TMEM70: variants seen among roughly 807,000 people sequenced by gnomAD.
TMEM70 encodes the protein transmembrane protein 70, also known as transmembrane protein 70, mitochondrial.
A neutral mutation model predicts 20.5 loss-of-function variants in TMEM70; 15 were observed. The ratio of observed to expected loss-of-function variants is 0.73; its 90% CI spans 0.49 to 1.13. The LOEUF is 1.13. Among genes scored for constraint, TMEM70 ranks in the 50% most tolerant of loss-of-function variants. The pLI is 0.00. For missense variants in TMEM70, 344 were observed against 331.7 expected, an observed-to-expected ratio of 1.04 and a Z score of -0.29; for synonymous variants, 141 against 134.2, an observed-to-expected ratio of 1.05 and a Z score of -0.35.
At chr8:73,981,028 T>C in intron 2 of TMEM70, 127 bp from the exon 3 acceptor site, 1 of 776,536 alleles carries the variant, frequency 1.3e-6, no homozygotes, top group Non-Finnish European at 2.1e-6. Context: ...ATAAGCACTG[T>C]ATTTATGGTT....
rs754740259 is a variant in TMEM70 at position 73,976,356 on chromosome 8, G to T, written c.75G>T (p.Ala25=). Reference sequence around the variant, plus strand: ...GCGGAAGGAGGACTGCATTGTGTGCGGCCGCCGCGCTCCGAGGTCCCCGGG... The same window carrying T: ...GCGGAAGGAGGACTGCATTGTGTGCTGCCGCCGCGCTCCGAGGTCCCCGGG... The part of the protein sequence containing the change: ...PLCGRRTALC[A]AAALRGPRAS... Residue 25 remains alanine, a synonymous_variant, in exon 1 of 3, where the codon GCG becomes GCT. Coordinates refer to ENST00000312184, the MANE Select transcript of TMEM70 (RefSeq NM_017866.6). 1.9e-6 allele frequency: 3 copies of T among 1,599,158 alleles called. No individual in the cohort carries two copies. The Admixed American group carries it at 5.0e-5, about 27-fold the overall frequency.
chr8:73,977,173 C>G (rs1280041769), intron 1 of TMEM70, among the ~76,000 whole-genome samples: 4 of 152,134 alleles, frequency 2.6e-5, no homozygotes, highest in African/African-American at 7.2e-5. Context: ...TGTAGGATTT[C>G]AAGTAAATTT....
intron 2 of TMEM70, among the ~76,000 whole-genome samples, chr8:73,979,933 G>A (rs2131235061): frequency 6.6e-6 from 1 of 152,264 alleles, no homozygotes; most frequent in African/African-American, 2.4e-5. Context: ...TGGTGCCTAG[G>A]CTGGTCTCAA....
chr8:73,981,925 T>TTGCTTTA lies in TMEM70; in HGVS notation c.*306_*312dup. 1.9e-6 allele frequency: 1 copy of TTGCTTTA among 522,660 alleles called. No individual in the cohort carries two copies. Among genetic ancestry groups the TTGCTTTA allele is most frequent in the South Asian group, 1.5e-5 (1 of 65,060 alleles). The allele number at this position is 522,660 out of a possible 1,614,324, so 32.4% of individuals were successfully genotyped here. On this transcript the variant is annotated 3_prime_UTR_variant, in exon 3 of 3. Transcript: ENST00000312184. ...CTGATGTCAGTAGCAAATGGGAGAG[T>TTGCTTTA]TGCTTTATTCTTTGTGTATGGATTT...
At position 73,981,800 on chromosome 8, in the gene TMEM70, T is replaced by C; in HGVS notation, c.*179T>C. The C allele has an allele frequency of 1.4e-6, 1 of 694,460 alleles. No individual in the cohort carries two copies. Among genetic ancestry groups the C allele is most frequent in the Non-Finnish European group, 2.6e-6 (1 of 384,430 alleles). The allele number at this position is 694,460 out of a possible 1,614,324, so 43.0% of individuals were successfully genotyped here. A position where few individuals can be genotyped will look rare whatever the true frequency, so the allele number is the denominator to read the frequency against. On this transcript the variant is annotated 3_prime_UTR_variant, in exon 3 of 3. Transcript: ENST00000312184. Reference sequence around the variant, plus strand: ...AACAAGCTATGTTTGAAAACCAAAATGTAGTATCTACCATTCGTGTTTTAG... The same window carrying C: ...AACAAGCTATGTTTGAAAACCAAAACGTAGTATCTACCATTCGTGTTTTAG...
At chr8:73,977,124 C>T (rs139503953) in intron 1 of TMEM70, among the ~76,000 whole-genome samples, 1 of 152,170 alleles carries the variant, frequency 6.6e-6, no homozygotes. Flanking sequence ...AACTCATTTT[C>T]AGATGTATGG....
In TMEM70 at chr8:73,976,201, G is replaced by T. The variant is rs759818735; in HGVS notation, c.-81G>T. 12 of 1,352,410 alleles carry T rather than the reference G, an allele frequency of 8.9e-6. No individual in the cohort carries two copies. Among genetic ancestry groups the T allele is most frequent in the Non-Finnish European group, 1.1e-5 (11 of 975,746 alleles). The allele number at this position is 1,352,410 out of a possible 1,614,324, so 83.8% of individuals were successfully genotyped here. On this transcript the variant is annotated 5_prime_UTR_variant, in exon 1 of 3. Coordinates refer to ENST00000312184, the MANE Select transcript of TMEM70 (RefSeq NM_017866.6). ...CCCGGGCTGGGCATGCGCCACTTGT[G>T]CGGCAGTCGGGTGGGAAGCCGTGTC...
At chr8:73,978,069 C>G (rs991639045) in intron 1 of TMEM70, among the ~76,000 whole-genome samples, 1 of 152,078 alleles carries the variant, frequency 6.6e-6, no homozygotes, top group Non-Finnish European at 1.5e-5. Flanking sequence ...CCTCATGTGA[C>G]AAGTTCTTTT....
At chr8:73,978,942 T>C in intron 2 of TMEM70, 81 bp downstream of exon 2, 1 of 1,509,264 alleles carries the variant, frequency 6.6e-7, no homozygotes, top group Non-Finnish European at 9.1e-7. Context: ...TCTTACTTGT[T>C]GTTATGGCAT....
chr8:73,982,477 C>A lies in TMEM70; in HGVS notation c.*856C>A. On this transcript the variant is annotated 3_prime_UTR_variant, in exon 3 of 3. Transcript: ENST00000312184. ...AAGTCACCATTGCAAATGCTTAAGT[C>A]AACTGTTTTCATAAATTGATTACCA... The A allele has an allele frequency of 2.8e-6, 2 of 718,294 alleles. No homozygotes were observed. Among genetic ancestry groups the A allele is most frequent in the South Asian group, 2.7e-5 (2 of 74,624 alleles). The allele number at this position is 718,294 out of a possible 1,614,324, so 44.5% of individuals were successfully genotyped here.
intron 2 of TMEM70, 120 bp downstream of exon 2, chr8:73,978,981 AG>A: frequency 7.7e-7 from 1 of 1,295,604 alleles, no homozygotes; most frequent in Non-Finnish European, 1.1e-6. Flanking sequence ...AAGGAAAATT[AG>A]ATTTTCATTT....
chr8:73,978,713 ATTTAAGAAGGTTAGTTGAC>A, intron 1 of TMEM70, 24 bp from the exon 2 acceptor site: 3 of 1,608,628 alleles, frequency 1.9e-6, no homozygotes, highest in Non-Finnish European at 2.5e-6. Context: ...ACTTAAAAAA[ATTTAAGAAGGTTAGTTGAC>A]CATAATGATC....
rs1815651722 is a variant in TMEM70 at position 73,976,477 on chromosome 8, C to A, written c.196C>A (p.Pro66Thr). The change falls in exon 1 of 3, where the codon CCG becomes ACG. Residue 66 changes from proline (P) to threonine (T), a missense_variant. By Grantham distance (38) the Pro-to-Thr change is conservative (BLOSUM62 -1). Coordinates refer to ENST00000312184, the MANE Select transcript of TMEM70 (RefSeq NM_017866.6). Reference sequence around the variant, plus strand: ...GGGAGCCGCGCGCCTTCTCCGGCGTCCGGGTCGAGCGCAGGTAGGGCGTCC... The same window carrying A: ...GGGAGCCGCGCGCCTTCTCCGGCGTACGGGTCGAGCGCAGGTAGGGCGTCC... ...PSGAARLLRR[P>T]GRAQIPVYWE... is the part of the protein sequence containing the mutation. 1 of 1,537,994 alleles carries A rather than the reference C, an allele frequency of 6.5e-7. No homozygotes were observed. The highest frequency in any genetic ancestry group is 8.7e-7 in the Non-Finnish European group (1 of 1,148,098).
chr8:73,978,927 C>G (rs1815721208), intron 2 of TMEM70, 66 bp downstream of exon 2: 1 of 1,574,470 alleles, frequency 6.4e-7, no homozygotes, highest in Middle Eastern at 1.7e-4. Flanking sequence ...AATATCCTTA[C>G]CATATCTTAC....
At position 73,982,202 on chromosome 8, in the gene TMEM70, T is replaced by C. The variant is rs767907155; in HGVS notation, c.*581T>C. ...ACCGAATTCATATCACTCTAACGAG[T>C]TGCAACGTAAAATCCCTGGATAAGG... is the stretch of plus-strand genomic sequence containing the variant. On this transcript the variant is annotated 3_prime_UTR_variant, in exon 3 of 3. Transcript: ENST00000312184. 2 of 558,712 alleles carry C rather than the reference T, an allele frequency of 3.6e-6. No individual in the cohort carries two copies. The highest frequency in any genetic ancestry group is 9.3e-5 in the East Asian group (2 of 21,546). The allele number at this position is 558,712 out of a possible 1,614,324, so 34.6% of individuals were successfully genotyped here.
At chr8:73,978,928 C>A in intron 2 of TMEM70, 67 bp downstream of exon 2, 1 of 1,574,622 alleles carries the variant, frequency 6.4e-7, no homozygotes, top group South Asian at 1.1e-5. Context: ...ATATCCTTAC[C>A]ATATCTTACT....
rs928358741 is a variant in TMEM70, at chr8:73,976,502, C to T, written c.210+11C>T. 2 of 1,514,638 alleles carry T rather than the reference C, an allele frequency of 1.3e-6. No homozygotes were observed. The highest frequency in any genetic ancestry group is 1.3e-5 in the South Asian group (1 of 79,076). The allele number at this position is 1,514,638 out of a possible 1,614,324, so 93.8% of individuals were successfully genotyped here. A position where few individuals can be genotyped will look rare whatever the true frequency, so the allele number is the denominator to read the frequency against. Reference sequence around the variant, plus strand: ...CCGGGTCGAGCGCAGGTAGGGCGTCCGAGGTCTGGTGTCCCAAGTGAGGCG... The same window carrying T: ...CCGGGTCGAGCGCAGGTAGGGCGTCTGAGGTCTGGTGTCCCAAGTGAGGCG... On this transcript the variant is annotated intron_variant, in intron 1 of 2. Transcript: ENST00000312184.
intron 1 of TMEM70, among the ~76,000 whole-genome samples, chr8:73,977,333 C>T (rs1241274583): frequency 1.4e-5 from 2 of 143,350 alleles, no homozygotes; most frequent in Non-Finnish European, 3.0e-5. Context: ...AGGCGCGCTC[C>T]ACCACACCCC....
In TMEM70 at chr8:73,981,708, A is replaced by G. The variant is rs1307217513; in HGVS notation, c.*87A>G. 1.1e-6 allele frequency: 1 copy of G among 870,966 alleles called. No homozygotes were observed. Among genetic ancestry groups the G allele is most frequent in the Non-Finnish European group, 1.9e-6 (1 of 538,326 alleles). The allele number at this position is 870,966 out of a possible 1,614,324, so 54.0% of individuals were successfully genotyped here. A position where few individuals can be genotyped will look rare whatever the true frequency, so the allele number is the denominator to read the frequency against. On this transcript the variant is annotated 3_prime_UTR_variant, in exon 3 of 3. Transcript: ENST00000312184. ...GCCTTTTGCATTCCGTTAGTGACTGATTGTTAAAAATAATTTGAAATTATC... is the reference window on the plus strand; with the variant it reads ...GCCTTTTGCATTCCGTTAGTGACTGGTTGTTAAAAATAATTTGAAATTATC...
Sources: allele counts gnomAD v4.1 joint callset (sites outside exome capture counted in the v4.1 genomes callset), GRCh38; gene constraint gnomAD v4.1.1; transcripts MANE v1.5; gene names NCBI Gene and HGNC (gene_info 2026-07-23, HGNC 2026-07-21).